Variants in DPYD observed in about 807,000 individuals in gnomAD.
The protein encoded by DPYD is dihydropyrimidine dehydrogenase.
A neutral mutation model predicts 116.2 loss-of-function variants in DPYD; 109 were observed. The ratio of observed to expected loss-of-function variants is 0.94; its 90% CI spans 0.80 to 1.10. The LOEUF (loss-of-function observed/expected upper bound fraction) is 1.10. Ranked by LOEUF, DPYD falls within the 50% of genes least tolerant of loss-of-function variation. DPYD has a pLI of 0.00. For missense variants in DPYD, 1,302 were observed against 1,254.5 expected, an observed-to-expected ratio of 1.04 and a Z score of -0.57; for synonymous variants, 440 against 432.0, an observed-to-expected ratio of 1.02 and a Z score of -0.23.
At chr1:97,487,119 C>G (rs968034084) in intron 13 of DPYD, among the ~76,000 whole-genome samples, 17 of 151,456 alleles carry the variant, frequency 1.1e-4, no homozygotes, top group Non-Finnish European at 1.9e-4. Flanking sequence ...ATTTATTGAC[C>G]CATTTGAAAT....
intron 19 of DPYD, among the ~76,000 whole-genome samples, chr1:97,203,534 C>T (rs184886379): frequency 8.3e-4 from 124 of 150,222 alleles, no homozygotes; most frequent in African/African-American, 1.5e-3. Context: ...TGCTAGATGA[C>T]GAGTTAGTGG....
chr1:97,529,984 C>T (rs944917564), intron 12 of DPYD, among the ~76,000 whole-genome samples: 1 of 149,236 alleles, frequency 6.7e-6, no homozygotes, highest in Admixed American at 6.7e-5. Context: ...ACCCAGCATC[C>T]CTCTCACCCA....
At chr1:97,243,009 T>C in intron 18 of DPYD, among the ~76,000 whole-genome samples, 1 of 151,888 alleles carries the variant, frequency 6.6e-6, no homozygotes, top group Admixed American at 6.6e-5. Context: ...TTGGTTTTAT[T>C]ATTCTTATTT....
At chr1:97,478,400 G>A (rs1344052616) in intron 13 of DPYD, among the ~76,000 whole-genome samples, 1 of 152,082 alleles carries the variant, frequency 6.6e-6, no homozygotes, top group Non-Finnish European at 1.5e-5. Flanking sequence ...CAATTCTCCT[G>A]CCTCAGCCTC....
At chr1:97,479,991 C>T (rs1678207471) in intron 13 of DPYD, among the ~76,000 whole-genome samples, 1 of 152,248 alleles carries the variant, frequency 6.6e-6, no homozygotes, top group South Asian at 2.1e-4. Flanking sequence ...TTCTGGGAAA[C>T]TTTTTTTCCC....
intron 8 of DPYD, among the ~76,000 whole-genome samples, chr1:97,666,367 C>G (rs1659557353): frequency 6.6e-6 from 1 of 152,008 alleles, no homozygotes; most frequent in South Asian, 2.1e-4. Flanking sequence ...CTATGTTGCC[C>G]AGGCTGGTCT....
At chr1:97,263,208 C>A (rs1664006103) in intron 18 of DPYD, among the ~76,000 whole-genome samples, 1 of 151,986 alleles carries the variant, frequency 6.6e-6, no homozygotes, top group Non-Finnish European at 1.5e-5. Context: ...CTTTTTAAAC[C>A]AAGAACGTGT....
intron 8 of DPYD, among the ~76,000 whole-genome samples, chr1:97,623,641 A>G (rs933082169): frequency 1.3e-5 from 2 of 152,024 alleles, no homozygotes; most frequent in Non-Finnish European, 2.9e-5. Context: ...CAAAACACAT[A>G]TGGAACCATT....
At chr1:97,297,709 G>A (rs548082664) in intron 18 of DPYD, among the ~76,000 whole-genome samples, 46 of 152,244 alleles carry the variant, frequency 3.0e-4, no homozygotes, top group South Asian at 1.2e-3. Context: ...ACACTTTAAG[G>A]GTTTGAGAAC....
intron 8 of DPYD, among the ~76,000 whole-genome samples, chr1:97,655,068 G>C (rs1189374564): frequency 6.6e-6 from 1 of 152,048 alleles, no homozygotes; most frequent in Non-Finnish European, 1.5e-5. Context: ...GGAATTATGG[G>C]AACTACAATT....
At chr1:97,532,731 G>A (rs1052366816) in intron 12 of DPYD, among the ~76,000 whole-genome samples, 8 of 149,494 alleles carry the variant, frequency 5.4e-5, no homozygotes, top group South Asian at 4.2e-4. Flanking sequence ...TTTCATTTCC[G>A]ATTTTATTTT....
intron 2 of DPYD, among the ~76,000 whole-genome samples, chr1:97,863,030 A>AT (rs955681640): frequency 6.6e-6 from 1 of 151,930 alleles, no homozygotes; most frequent in South Asian, 2.1e-4. Context: ...TGTAATCATT[A>AT]TTTTTTTAAT....
chr1:97,080,108 C>T (rs1299556599), intron 22 of DPYD, among the ~76,000 whole-genome samples: 1 of 151,940 alleles, frequency 6.6e-6, no homozygotes, highest in African/African-American at 2.4e-5. Context: ...AGGGGTGGAT[C>T]ATGGTGTCAG....
chr1:97,881,426 G>A (rs1474853918), intron 2 of DPYD, among the ~76,000 whole-genome samples: 2 of 151,948 alleles, frequency 1.3e-5, no homozygotes, highest in African/African-American at 4.8e-5. Context: ...GTATCTTCTT[G>A]TAGCATCCGT....
intron 14 of DPYD, among the ~76,000 whole-genome samples, chr1:97,383,914 C>T (rs1029925304): frequency 1.8e-4 from 27 of 152,188 alleles, no homozygotes; most frequent in African/African-American, 4.8e-4. Flanking sequence ...TCATGACCAA[C>T]CTGGGAAACA....
chr1:97,682,339 T>C (rs1166700800), intron 7 of DPYD, among the ~76,000 whole-genome samples: 3 of 151,886 alleles, frequency 2.0e-5, no homozygotes, highest in African/African-American at 4.8e-5. Context: ...TGGTCATCAC[T>C]GGGCAGCAGA....
intron 16 of DPYD, among the ~76,000 whole-genome samples, chr1:97,365,272 C>T (rs80147656): frequency 0.055 from 8,329 of 152,168 alleles, 326 homozygotes; most frequent in East Asian, 0.17. Context: ...GTAACTAGAC[C>T]CTCCCTTTTC....
At chr1:97,725,378 T>C (rs887296650) in intron 4 of DPYD, among the ~76,000 whole-genome samples, 10 of 151,590 alleles carry the variant, frequency 6.6e-5, no homozygotes, top group African/African-American at 2.4e-4. Context: ...GGTGATACTA[T>C]CCAAATTTAT....
chr1:97,312,338 C>A (rs1667570630), intron 16 of DPYD, among the ~76,000 whole-genome samples: 1 of 151,716 alleles, frequency 6.6e-6, no homozygotes, highest in Non-Finnish European at 1.5e-5. Flanking sequence ...TTAATAACTC[C>A]TTTTTAAGAA....
Sources: allele counts gnomAD v4.1 joint callset (sites outside exome capture counted in the v4.1 genomes callset), GRCh38; gene constraint gnomAD v4.1.1; transcripts MANE v1.5; gene names NCBI Gene and HGNC (gene_info 2026-07-23, HGNC 2026-07-21).